DOCK4: variants seen among roughly 807,000 people sequenced by gnomAD.
DOCK4 encodes dedicator of cytokinesis 4, also known as dedicator of cytokinesis protein 4.
Under a neutral mutation model 268.1 loss-of-function variants are expected in DOCK4, and 97 were observed. The observed-to-expected ratio is 0.36, with a 90% CI of 0.31 to 0.43. DOCK4 has a LOEUF of 0.43. Among genes scored for constraint, DOCK4 ranks in the 20% least tolerant of loss-of-function variants. The pLI is 1.00. For missense variants in DOCK4, 2,145 were observed against 2,455.7 expected (o/e 0.87, Z 2.67); for synonymous variants, 954 against 887.2 (o/e 1.08, Z -1.34).
chr7:112,088,900 G>A (rs1410558011), intron 1 of DOCK4, among the ~76,000 whole-genome samples: 1 of 152,064 alleles, frequency 6.6e-6, no homozygotes, highest in African/African-American at 2.4e-5. Flanking sequence ...ATTAAGTAAT[G>A]CATTTAAAGA....
chr7:111,759,246 GA>G (rs1473494477), intron 40 of DOCK4, among the ~76,000 whole-genome samples: 2 of 152,204 alleles, frequency 1.3e-5, no homozygotes, highest in Admixed American at 1.3e-4. Context: ...ACCAAAGACA[GA>G]AACTAGAACA....
At chr7:111,737,132 T>C in intron 49 of DOCK4, 143 bp from the exon 50 acceptor site, 1 of 641,542 alleles carries the variant, frequency 1.6e-6, no homozygotes. Flanking sequence ...AACAAATAAT[T>C]TAATTATATT....
chr7:112,153,410 C>T (rs1281258714), intron 1 of DOCK4, among the ~76,000 whole-genome samples: 5 of 152,162 alleles, frequency 3.3e-5, no homozygotes, highest in Admixed American at 6.5e-5. Flanking sequence ...TGTCCACCAG[C>T]TGCTACACTT....
chr7:112,190,693 G>A (rs1819878236), intron 1 of DOCK4, among the ~76,000 whole-genome samples: 2 of 151,950 alleles, frequency 1.3e-5, no homozygotes, highest in Non-Finnish European at 2.9e-5. Context: ...AAAAATTAAA[G>A]ATTTTGTTTT....
intron 42 of DOCK4, among the ~76,000 whole-genome samples, chr7:111,747,928 CTCA>C (rs1013723080): frequency 6.6e-6 from 1 of 152,054 alleles, no homozygotes; most frequent in Admixed American, 6.6e-5. Flanking sequence ...CCACATGAAC[CTCA>C]TATATATATA....
At chr7:112,031,853 T>C (rs1803305940) in intron 1 of DOCK4, among the ~76,000 whole-genome samples, 1 of 152,180 alleles carries the variant, frequency 6.6e-6, no homozygotes, top group African/African-American at 2.4e-5. Flanking sequence ...AAGTGTCTCC[T>C]GATGAAATAC....
chr7:111,868,720 T>A (rs144285745), intron 21 of DOCK4, among the ~76,000 whole-genome samples: 2 of 142,892 alleles, frequency 1.4e-5, no homozygotes, highest in Non-Finnish European at 3.1e-5. Context: ...AAAAAAAAAA[T>A]TAAAAAAAAA....
intron 7 of DOCK4, among the ~76,000 whole-genome samples, chr7:111,980,926 T>C (rs150501935): frequency 6.0e-4 from 92 of 152,336 alleles, no homozygotes; most frequent in African/African-American, 2.0e-3. Flanking sequence ...TATAGAAGGA[T>C]TGAAATCTTG....
intron 49 of DOCK4, among the ~76,000 whole-genome samples, chr7:111,738,636 C>A (rs1176377638): frequency 6.6e-6 from 1 of 152,194 alleles, no homozygotes; most frequent in African/African-American, 2.4e-5. Context: ...CCATGTGTCC[C>A]TATCAGAAAT....
intron 1 of DOCK4, among the ~76,000 whole-genome samples, chr7:112,137,452 C>G (rs931978483): frequency 6.6e-6 from 1 of 151,996 alleles, no homozygotes; most frequent in Non-Finnish European, 1.5e-5. Context: ...TCCTTTGGTC[C>G]GAGATCACAC....
intron 40 of DOCK4, among the ~76,000 whole-genome samples, chr7:111,759,081 T>C (rs1797222299): frequency 6.6e-6 from 1 of 152,182 alleles, no homozygotes; most frequent in African/African-American, 2.4e-5. Flanking sequence ...TGTGTGTGTG[T>C]ATGTGTGTGT....
intron 27 of DOCK4, among the ~76,000 whole-genome samples, chr7:111,817,063 CCT>C (rs1801613095): frequency 6.6e-6 from 1 of 152,158 alleles, no homozygotes; most frequent in South Asian, 2.1e-4. Flanking sequence ...ATGGCAATAG[CCT>C]CTGTTTTGAC....
chr7:111,945,944 T>C (rs1050480045), intron 8 of DOCK4, 146 bp from the exon 9 acceptor site: 9 of 621,020 alleles, frequency 1.4e-5, no homozygotes, highest in African/African-American at 5.5e-5. Context: ...TTAGGAGAGC[T>C]CCGAAGACAA....
At chr7:111,766,655 A>G (rs1008730008) in intron 38 of DOCK4, among the ~76,000 whole-genome samples, 6 of 152,226 alleles carry the variant, frequency 3.9e-5, no homozygotes, top group African/African-American at 1.4e-4. Context: ...TTATTTAGAA[A>G]TAGGTCAGCC....
chr7:111,778,497 C>G, intron 35 of DOCK4, 128 bp from the exon 36 acceptor site: 1 of 502,014 alleles, frequency 2.0e-6, no homozygotes, highest in Non-Finnish European at 3.4e-6. Flanking sequence ...GTAAATATCT[C>G]TAAAAATGAA....
intron 22 of DOCK4, among the ~76,000 whole-genome samples, chr7:111,866,989 G>C (rs1235464512): frequency 6.6e-6 from 1 of 152,204 alleles, no homozygotes; most frequent in Non-Finnish European, 1.5e-5. Flanking sequence ...AGTTCCCATA[G>C]TGCAGTGATT....
At chr7:111,929,767 C>T (rs1794045969) in intron 12 of DOCK4, among the ~76,000 whole-genome samples, 2 of 150,872 alleles carry the variant, frequency 1.3e-5, no homozygotes, top group Admixed American at 6.6e-5. Flanking sequence ...CAACCATGTA[C>T]ACTCATCTAA....
At chr7:111,926,053 C>T (rs1793601989) in intron 12 of DOCK4, among the ~76,000 whole-genome samples, 1 of 143,050 alleles carries the variant, frequency 7.0e-6, no homozygotes, top group Non-Finnish European at 1.5e-5. Context: ...CGAGATCGTG[C>T]CACTGCACTC....
intron 1 of DOCK4, among the ~76,000 whole-genome samples, chr7:112,045,062 G>A (rs1355507447): frequency 6.6e-6 from 1 of 152,094 alleles, no homozygotes; most frequent in African/African-American, 2.4e-5. Context: ...AGGTGATCTG[G>A]TTCCTCAGTC....
Sources: allele counts gnomAD v4.1 joint callset (sites outside exome capture counted in the v4.1 genomes callset), GRCh38; gene constraint gnomAD v4.1.1; transcripts MANE v1.5; gene names NCBI Gene and HGNC (gene_info 2026-07-23, HGNC 2026-07-21).